Variants in SPTLC1 observed in about 807,000 individuals in gnomAD.
SPTLC1 encodes the protein serine palmitoyltransferase 1.
In SPTLC1, 55 loss-of-function variants were observed where a neutral mutation model predicts 68.9. That is an observed-to-expected ratio of 0.80 (90% CI 0.64 to 1.00). SPTLC1 has a LOEUF of 1.00. SPTLC1 is among the 50% of genes least tolerant of loss of function. The probability of loss-of-function intolerance (pLI) is 0.00; values close to 1 mark genes in which losing one functional copy is unlikely to be tolerated. For missense variants in SPTLC1, 449 were observed against 573.1 expected, an observed-to-expected ratio of 0.78 and a Z score of 2.21; for synonymous variants, 197 against 201.6, an observed-to-expected ratio of 0.98 and a Z score of 0.19.
At chr9:92,083,464 G>A (rs1437970372) in intron 3 of SPTLC1, among the ~76,000 whole-genome samples, 2 of 152,016 alleles carry the variant, frequency 1.3e-5, no homozygotes, top group Non-Finnish European at 2.9e-5. Flanking sequence ...CATATGGCTA[G>A]CCAGTTTTCC....
intron 3 of SPTLC1, among the ~76,000 whole-genome samples, chr9:92,088,910 A>T (rs1388178506): frequency 6.6e-6 from 1 of 152,214 alleles, no homozygotes; most frequent in Non-Finnish European, 1.5e-5. Flanking sequence ...AGTAAAACCA[A>T]CCAGAAAGAC....
intron 4 of SPTLC1, among the ~76,000 whole-genome samples, chr9:92,080,639 A>G (rs1407567781): frequency 6.6e-6 from 1 of 152,138 alleles, no homozygotes; most frequent in East Asian, 1.9e-4. Context: ...CCTGGGCCCA[A>G]GAAATTCTCC....
Position 92,047,280 on chromosome 9 carries a change from C to A in SPTLC1, c.985-12G>T. 6.2e-7 allele frequency: 1 copy of A among 1,605,648 alleles called. No homozygotes were observed. The highest frequency in any genetic ancestry group is 8.5e-7 in the Non-Finnish European group (1 of 1,173,170). On this transcript the variant is annotated splice_polypyrimidine_tract_variant and intron_variant, in intron 10 of 14. Coordinates refer to ENST00000262554, the MANE Select transcript of SPTLC1 (RefSeq NM_006415.4). ...TGGCCGGAAAGTCGCTGAGAAGAAACAAATGAAGACATATACACATTCTCT... is the reference window on the plus strand; with the variant it reads ...TGGCCGGAAAGTCGCTGAGAAGAAAAAAATGAAGACATATACACATTCTCT...
chr9:92,074,977 C>G (rs1834629361), intron 5 of SPTLC1, among the ~76,000 whole-genome samples: 1 of 152,126 alleles, frequency 6.6e-6, no homozygotes, highest in Admixed American at 6.5e-5. Flanking sequence ...CCGTCCTGCC[C>G]TAAGGTTTCA....
At chr9:92,075,423 C>G (rs1299750586) in intron 5 of SPTLC1, among the ~76,000 whole-genome samples, 4 of 152,162 alleles carry the variant, frequency 2.6e-5, no homozygotes, top group Non-Finnish European at 4.4e-5. Context: ...TCCCTCGCCC[C>G]TCCTTTTACT....
At chr9:92,096,050 A>G (rs1003103983) in intron 3 of SPTLC1, among the ~76,000 whole-genome samples, 2 of 152,212 alleles carry the variant, frequency 1.3e-5, no homozygotes, top group African/African-American at 4.8e-5. Flanking sequence ...GAAGACAAAA[A>G]TTAGGTGTGA....
intron 8 of SPTLC1, among the ~76,000 whole-genome samples, chr9:92,052,224 A>G (rs546424613): frequency 2.8e-4 from 42 of 152,358 alleles, no homozygotes; most frequent in Non-Finnish European, 4.7e-4. Flanking sequence ...ACAGTGTGGT[A>G]CTGGCATAGG....
intron 1 of SPTLC1, among the ~76,000 whole-genome samples, chr9:92,114,701 C>T (rs575599665): frequency 2.6e-5 from 4 of 151,444 alleles, no homozygotes; most frequent in African/African-American, 9.7e-5. Context: ...CGCCCTTGCA[C>T]TCCAGCTTGA....
chr9:92,114,514 T>A (rs1032747352), intron 1 of SPTLC1, among the ~76,000 whole-genome samples: 2 of 152,126 alleles, frequency 1.3e-5, no homozygotes, highest in Non-Finnish European at 1.5e-5. Flanking sequence ...GGCGGGCGGA[T>A]CACCTGAGGT....
At chr9:92,043,041 C>T (rs1326931191) in intron 12 of SPTLC1, among the ~76,000 whole-genome samples, 1 of 152,140 alleles carries the variant, frequency 6.6e-6, no homozygotes, top group Non-Finnish European at 1.5e-5. Flanking sequence ...CAGAGAAAAA[C>T]TCCTCAAAAC....
chr9:92,085,705 A>G (rs1392254900), intron 3 of SPTLC1, among the ~76,000 whole-genome samples: 1 of 151,716 alleles, frequency 6.6e-6, no homozygotes, highest in East Asian at 1.9e-4. Context: ...GTGCTGAAAA[A>G]AATGTATATT....
chr9:92,064,907 T>C (rs1834228826), intron 6 of SPTLC1, among the ~76,000 whole-genome samples: 1 of 152,192 alleles, frequency 6.6e-6, no homozygotes, highest in Non-Finnish European at 1.5e-5. Context: ...AATAACAAAA[T>C]TAACAAACAG....
chr9:92,036,755 G>A (rs1162349211), intron 13 of SPTLC1, among the ~76,000 whole-genome samples: 1 of 152,180 alleles, frequency 6.6e-6, no homozygotes, highest in East Asian at 1.9e-4. Context: ...ATGCGTTTTA[G>A]TTTTCCATTT....
chr9:92,068,874 A>C, intron 5 of SPTLC1, among the ~76,000 whole-genome samples: 1 of 152,300 alleles, frequency 6.6e-6, no homozygotes, highest in Non-Finnish European at 1.5e-5. Context: ...GCCAGCTTAG[A>C]ATCTTAAAAC....
Position 92,071,269 on chromosome 9 carries a change from G to A in SPTLC1, c.428-3171C>T, listed in dbSNP as rs965273386. On this transcript the variant is annotated intron_variant, in intron 5 of 14. Transcript: ENST00000262554. ...AAAAAAATTAGTTGGGCATGGTGGC[G>A]CATGCCTGTAATCCCAGCTACCTGG... is the stretch of plus-strand genomic sequence containing the variant. Among the ~76,000 whole-genome samples, 12 of 150,804 alleles carry A rather than the reference G, an allele frequency of 8.0e-5. No individual in the cohort carries two copies. In the East Asian group the frequency reaches 9.7e-4, roughly 12 times the overall value.
chr9:92,038,492 G>C (rs1833226793), intron 12 of SPTLC1, 127 bp from the exon 13 acceptor site: 1 of 757,222 alleles, frequency 1.3e-6, no homozygotes. Context: ...CGACTGATGG[G>C]AAGCATCATT....
chr9:92,035,774 G>A (rs1564079644), intron 13 of SPTLC1, among the ~76,000 whole-genome samples: 7 of 152,200 alleles, frequency 4.6e-5, no homozygotes, highest in East Asian at 1.9e-4. Context: ...GGGTCACGTC[G>A]TAGGCTGCGA....
chr9:92,064,104 T>C (rs1285072620), intron 6 of SPTLC1, among the ~76,000 whole-genome samples: 1 of 152,132 alleles, frequency 6.6e-6, no homozygotes, highest in Non-Finnish European at 1.5e-5. Context: ...TCCTAAGCAA[T>C]CTAGAAAAAC....
chr9:92,059,767 C>T (rs1012947641), intron 6 of SPTLC1, among the ~76,000 whole-genome samples: 1 of 152,162 alleles, frequency 6.6e-6, no homozygotes, highest in African/African-American at 2.4e-5. Flanking sequence ...CCAAACACCA[C>T]AGAAAAAAAT....
Sources: gnomAD v4.1 joint callset for allele counts (sites outside exome capture counted in the v4.1 genomes callset) on GRCh38, gnomAD v4.1.1 for gene constraint, MANE v1.5 for transcripts, NCBI Gene and HGNC (gene_info 2026-07-23, HGNC 2026-07-21) for gene names.